PRKCA: variants seen among roughly 807,000 people sequenced by gnomAD.
PRKCA encodes protein kinase C alpha type.
Under a neutral mutation model 87.0 loss-of-function variants are expected in PRKCA, and 27 were observed. That is an observed-to-expected ratio of 0.31 (90% CI 0.23 to 0.43). PRKCA has a LOEUF of 0.43. Among genes scored for constraint, PRKCA ranks in the 20% least tolerant of loss-of-function variants. The probability of loss-of-function intolerance (pLI) is 1.00; values close to 1 mark genes in which losing one functional copy is unlikely to be tolerated. For missense variants in PRKCA, 518 were observed against 852.3 expected (o/e 0.61, Z 4.88); for synonymous variants, 329 against 311.1 (o/e 1.06, Z -0.61).
chr17:66,771,734 T>C (rs953656108), intron 13 of PRKCA, among the ~76,000 whole-genome samples: 2 of 152,166 alleles, frequency 1.3e-5, no homozygotes, highest in Non-Finnish European at 2.9e-5. Context: ...TAGCTGGGAC[T>C]ACAGGCAGGC....
intron 3 of PRKCA, among the ~76,000 whole-genome samples, chr17:66,618,046 A>G (rs1970562103): frequency 6.6e-6 from 1 of 152,128 alleles, no homozygotes; most frequent in Admixed American, 6.6e-5. Context: ...AGGTGTTAAG[A>G]TTGCCTTCAT....
At position 66,302,792 on chromosome 17, in the gene PRKCA, C is replaced by T. The variant is rs2143077826; in HGVS notation, c.-60C>T. Reference sequence around the variant, plus strand: ...CGCACCTCTCCCCCGCCGCCCCCGCCCACCCGGCCCTCCGCGGCCGCAGCT... The same window carrying T: ...CGCACCTCTCCCCCGCCGCCCCCGCTCACCCGGCCCTCCGCGGCCGCAGCT... On this transcript the variant is annotated 5_prime_UTR_variant, in exon 1 of 17. Transcript: ENST00000413366. 7.3e-7 allele frequency: 1 copy of T among 1,366,148 alleles called. No homozygotes were observed. Among genetic ancestry groups the T allele is most frequent in the East Asian group, 3.6e-5 (1 of 27,638 alleles). The allele number at this position is 1,366,148 out of a possible 1,614,324, so 84.6% of individuals were successfully genotyped here.
At chr17:66,444,376 G>T (rs1296470402) in intron 2 of PRKCA, among the ~76,000 whole-genome samples, 2 of 152,194 alleles carry the variant, frequency 1.3e-5, no homozygotes, top group South Asian at 4.1e-4. Flanking sequence ...TGTCTTACAT[G>T]ATGGCCTGTC....
At chr17:66,778,069 C>T (rs1248901896) in intron 14 of PRKCA, 1 of 985,406 alleles carries the variant, frequency 1.0e-6, no homozygotes, top group Non-Finnish European at 1.2e-6. Flanking sequence ...AAAGGTTTCC[C>T]TACTAAGCTC....
intron 3 of PRKCA, among the ~76,000 whole-genome samples, chr17:66,611,317 A>G (rs1970357467): frequency 6.6e-6 from 1 of 152,232 alleles, no homozygotes; most frequent in Admixed American, 6.5e-5. Flanking sequence ...CCCCTAAAAG[A>G]AACTCTATAC....
chr17:66,801,490 T>C (rs958178969), intron 16 of PRKCA, among the ~76,000 whole-genome samples: 1 of 152,256 alleles, frequency 6.6e-6, no homozygotes, highest in Non-Finnish European at 1.5e-5. Flanking sequence ...CCAAGGAAAG[T>C]TGGTTTCTGT....
At chr17:66,305,950 A>G in intron 1 of PRKCA, 146 bp from the exon 2 acceptor site, 3 of 736,546 alleles carry the variant, frequency 4.1e-6, no homozygotes, top group Non-Finnish European at 6.8e-6. Flanking sequence ...ATCTGACTAG[A>G]TATTTAGGTA....
At chr17:66,635,179 G>A (rs868164343) in intron 3 of PRKCA, among the ~76,000 whole-genome samples, 4 of 152,306 alleles carry the variant, frequency 2.6e-5, no homozygotes, top group East Asian at 1.9e-4. Context: ...GGGACTCACC[G>A]AAGAGAAAGA....
At chr17:66,524,170 A>G (rs1418745745) in intron 3 of PRKCA, among the ~76,000 whole-genome samples, 1 of 152,134 alleles carries the variant, frequency 6.6e-6, no homozygotes, top group Non-Finnish European at 1.5e-5. Context: ...CATTCAACAA[A>G]AACATTTACT....
chr17:66,360,237 A>C (rs1908307257), intron 2 of PRKCA, among the ~76,000 whole-genome samples: 1 of 152,172 alleles, frequency 6.6e-6, no homozygotes, highest in Admixed American at 6.6e-5. Flanking sequence ...GAGTTTGGCT[A>C]AACCATGGGA....
chr17:66,531,496 C>T (rs574425400), intron 3 of PRKCA, among the ~76,000 whole-genome samples: 2 of 152,198 alleles, frequency 1.3e-5, no homozygotes, highest in African/African-American at 2.4e-5. Flanking sequence ...GCCTAAAGCT[C>T]GATTATTTTC....
At chr17:66,608,696 G>T (rs1168514534) in intron 3 of PRKCA, among the ~76,000 whole-genome samples, 1 of 152,142 alleles carries the variant, frequency 6.6e-6, no homozygotes, top group Middle Eastern at 3.2e-3. Flanking sequence ...ACGGAGTATG[G>T]CCCAGGAATC....
intron 16 of PRKCA, among the ~76,000 whole-genome samples, chr17:66,801,613 C>A (rs1436465533): frequency 6.6e-6 from 1 of 152,186 alleles, no homozygotes; most frequent in Non-Finnish European, 1.5e-5. Flanking sequence ...GGCCTGTGCA[C>A]ATAGGGTGAT....
intron 2 of PRKCA, among the ~76,000 whole-genome samples, chr17:66,453,114 C>T (rs1010702904): frequency 2.0e-5 from 3 of 152,112 alleles, no homozygotes; most frequent in South Asian, 2.1e-4. Flanking sequence ...CCTCACTTCC[C>T]ACTGGCTAGG....
At position 66,804,142 on chromosome 17, in the gene PRKCA, C is replaced by A; in HGVS notation, c.*105C>A. ...TAAGGCCACGGCCTTGTGTCTGATT[C>A]CATATGGAGGCCTGAAAATTGTAGG... On this transcript the variant is annotated 3_prime_UTR_variant, in exon 17 of 17. Coordinates refer to ENST00000413366, the MANE Select transcript of PRKCA (RefSeq NM_002737.3). 6.9e-7 allele frequency: 1 copy of A among 1,444,330 alleles called. No individual in the cohort carries two copies. The highest frequency in any genetic ancestry group is 9.2e-7 in the Non-Finnish European group (1 of 1,083,864). 89.5% of individuals were successfully genotyped at this position (1,444,330 alleles called of 1,614,324 possible).
At chr17:66,709,275 T>C (rs2144119404) in intron 8 of PRKCA, among the ~76,000 whole-genome samples, 1 of 151,208 alleles carries the variant, frequency 6.6e-6, no homozygotes, top group East Asian at 1.9e-4. Context: ...TGAATCCTTG[T>C]AGAGAAGTCT....
chr17:66,553,871 A>T (rs1373152022), intron 3 of PRKCA, among the ~76,000 whole-genome samples: 2 of 152,126 alleles, frequency 1.3e-5, no homozygotes, highest in Non-Finnish European at 2.9e-5. Context: ...TGTTCAGGAG[A>T]TGAAGTGTGT....
chr17:66,606,179 G>A (rs1419906544), intron 3 of PRKCA, among the ~76,000 whole-genome samples: 1 of 152,120 alleles, frequency 6.6e-6, no homozygotes, highest in African/African-American at 2.4e-5. Context: ...CACGAGGTCA[G>A]GAGATCCAGA....
intron 2 of PRKCA, among the ~76,000 whole-genome samples, chr17:66,332,951 G>C (rs1484813709): frequency 6.6e-6 from 1 of 152,108 alleles, no homozygotes; most frequent in Non-Finnish European, 1.5e-5. Flanking sequence ...TTGGCCTCCC[G>C]AAGTGCTGGG....
Sources: allele counts gnomAD v4.1 joint callset (sites outside exome capture counted in the v4.1 genomes callset), GRCh38; gene constraint gnomAD v4.1.1; transcripts MANE v1.5; gene names NCBI Gene and HGNC (gene_info 2026-07-23, HGNC 2026-07-21).